Variants in RGS6 observed in about 807,000 individuals in gnomAD.
The protein encoded by RGS6 is regulator of G-protein signaling 6.
RGS6 carries 30 observed loss-of-function variants against 78.5 expected under a neutral mutation model. The observed-to-expected ratio is 0.38, with a 90% CI of 0.29 to 0.52. The LOEUF (loss-of-function observed/expected upper bound fraction) is 0.52. Among genes scored for constraint, RGS6 ranks in the 20% least tolerant of loss-of-function variants. The pLI is 0.85. For synonymous variants in RGS6, 206 were observed against 206.0 expected (o/e 1.00, Z 0.00); for missense variants, 495 against 609.7 (o/e 0.81, Z 1.98).
chr14:72,377,639 C>T (rs1489547661), intron 3 of RGS6, among the ~76,000 whole-genome samples: 3 of 152,050 alleles, frequency 2.0e-5, no homozygotes, highest in Admixed American at 6.5e-5. Context: ...CCAGGCTTGA[C>T]CGTATATTAG....
intron 2 of RGS6, among the ~76,000 whole-genome samples, chr14:72,092,953 G>A (rs2095312868): frequency 6.6e-6 from 1 of 151,902 alleles, no homozygotes; most frequent in Non-Finnish European, 1.5e-5. Context: ...ATTACTTATA[G>A]TTGTTGGGTC....
chr14:72,145,068 G>T (rs1200983088), intron 2 of RGS6, among the ~76,000 whole-genome samples: 1 of 152,040 alleles, frequency 6.6e-6, no homozygotes, highest in Non-Finnish European at 1.5e-5. Context: ...TGGCAGAATT[G>T]GTTGAGCCAC....
intron 2 of RGS6, among the ~76,000 whole-genome samples, chr14:72,268,072 G>A (rs554596243): frequency 2.0e-5 from 3 of 152,190 alleles, no homozygotes; most frequent in South Asian, 2.1e-4. Context: ...TTCTACAAAT[G>A]GTTTTTAAGA....
chr14:71,912,340 G>A, the RGS6 span, among the ~76,000 whole-genome samples: 1 of 152,160 alleles, frequency 6.6e-6, no homozygotes, highest in Non-Finnish European at 1.5e-5. Flanking sequence ...CCAAGAGGGG[G>A]CCTGTTCAAT....
intron 12 of RGS6, among the ~76,000 whole-genome samples, chr14:72,489,066 C>G (rs1220322091): frequency 1.3e-5 from 2 of 151,890 alleles, no homozygotes; most frequent in African/African-American, 4.8e-5. Context: ...CTTGAGCTGC[C>G]AAGTGGATGT....
At chr14:72,053,239 C>A (rs2093438714) in intron 2 of RGS6, among the ~76,000 whole-genome samples, 1 of 150,600 alleles carries the variant, frequency 6.6e-6, no homozygotes, top group East Asian at 2.0e-4. Context: ...CCTGCCTCAA[C>A]CTCCCGAGTA....
intron 2 of RGS6, among the ~76,000 whole-genome samples, chr14:72,212,310 GA>G (rs2044378437): frequency 1.3e-5 from 2 of 152,124 alleles, no homozygotes; most frequent in Non-Finnish European, 2.9e-5. Context: ...GTCTAATATT[GA>G]TATTGATAAC....
At chr14:72,161,417 GT>G (rs1157806165) in intron 2 of RGS6, among the ~76,000 whole-genome samples, 2 of 152,146 alleles carry the variant, frequency 1.3e-5, no homozygotes, top group Non-Finnish European at 2.9e-5. Flanking sequence ...GGAGGTGATG[GT>G]AATAGGCACA....
the RGS6 span, among the ~76,000 whole-genome samples, chr14:71,922,654 C>G: frequency 5.5e-3 from 840 of 152,156 alleles, 6 homozygotes; most frequent in South Asian, 0.018. Context: ...TTTTCTGTTC[C>G]AGATTCAATC....
At chr14:71,891,380 G>T in the RGS6 span, among the ~76,000 whole-genome samples, 1 of 152,236 alleles carries the variant, frequency 6.6e-6, no homozygotes, top group Non-Finnish European at 1.5e-5. Flanking sequence ...ATGGCTGGCA[G>T]TTGATGCTGG....
At chr14:72,440,865 C>T (rs1320901996) in intron 3 of RGS6, among the ~76,000 whole-genome samples, 8 of 152,016 alleles carry the variant, frequency 5.3e-5, no homozygotes, top group Non-Finnish European at 7.4e-5. Context: ...GAGTTGCGGG[C>T]ATATGTGAGG....
chr14:71,887,942 C>G, the RGS6 span, among the ~76,000 whole-genome samples: 1 of 152,164 alleles, frequency 6.6e-6, no homozygotes. Flanking sequence ...ACCCCTTCCC[C>G]TTTTGAAACC....
At chr14:72,066,750 A>G (rs2094167548) in intron 2 of RGS6, among the ~76,000 whole-genome samples, 1 of 151,992 alleles carries the variant, frequency 6.6e-6, no homozygotes, top group Admixed American at 6.6e-5. Context: ...AATAATTATT[A>G]CACTACTGAA....
At chr14:72,185,316 A>G (rs780425703) in intron 2 of RGS6, among the ~76,000 whole-genome samples, 10 of 152,086 alleles carry the variant, frequency 6.6e-5, no homozygotes, top group Non-Finnish European at 1.5e-4. Context: ...CAGTGACAAT[A>G]CTTTGCATTC....
intron 2 of RGS6, among the ~76,000 whole-genome samples, chr14:72,241,745 A>G (rs1351675745): frequency 1.8e-4 from 27 of 152,346 alleles, no homozygotes; most frequent in Non-Finnish European, 1.5e-5. Flanking sequence ...CTAATTATCT[A>G]TTTTAATGCC....
chr14:72,298,691 A>C lies in RGS6; in HGVS notation c.85-53404A>C, dbSNP rs1595495752. ...TCTCCATCTCCTGACCTCGTGGTCC[A>C]CCCGCCTCGGCCTCCCAGAGTGCTG... On this transcript the variant is annotated intron_variant, in intron 2 of 17. Coordinates refer to ENST00000553525, the MANE Select transcript of RGS6 (RefSeq NM_001204424.2). 2.0e-5 allele frequency among the ~76,000 whole-genome samples: 3 copies of C among 151,488 alleles called. No individual in the cohort carries two copies. In the South Asian group the frequency reaches 6.3e-4, roughly 32 times the overall value.
chr14:71,979,874 CATT>C (rs1286895583), intron 2 of RGS6, among the ~76,000 whole-genome samples: 4 of 148,486 alleles, frequency 2.7e-5, no homozygotes, highest in Non-Finnish European at 4.5e-5. Flanking sequence ...TAAAGTCTCC[CATT>C]ATTAATGTGT....
At position 72,538,306 on chromosome 14, in the gene RGS6, G is replaced by GCTGAGAACT. The variant is rs1196986501; in HGVS notation, c.1369-1734_1369-1726dup. Among the ~76,000 whole-genome samples the GCTGAGAACT allele has an allele frequency of 1.2e-4, 19 of 152,342 alleles. No homozygotes were observed. The South Asian group carries it at 3.5e-3, about 28-fold the overall frequency. Reference sequence around the variant, plus strand: ...GAATATGAATCAGCCTCACTTTTCTGCTGAGAACTGACCTGGACGGAGTCT... The same window carrying GCTGAGAACT: ...GAATATGAATCAGCCTCACTTTTCTGCTGAGAACTCTGAGAACTGACCTGGACGGAGTCT... On this transcript the variant is annotated intron_variant, in intron 16 of 17. Transcript: ENST00000553525.
At chr14:72,108,164 A>T (rs910673688) in intron 2 of RGS6, among the ~76,000 whole-genome samples, 1 of 152,128 alleles carries the variant, frequency 6.6e-6, no homozygotes, top group African/African-American at 2.4e-5. Context: ...ATGTTGAAAG[A>T]ATGTTTTCTC....
Sources: gnomAD v4.1 joint callset for allele counts (sites outside exome capture counted in the v4.1 genomes callset) on GRCh38, gnomAD v4.1.1 for gene constraint, MANE v1.5 for transcripts, NCBI Gene and HGNC (gene_info 2026-07-23, HGNC 2026-07-21) for gene names.